SENP7: variants seen among roughly 807,000 people sequenced by gnomAD.
SENP7 encodes SUMO specific peptidase 7, also known as sentrin-specific protease 7.
Under a neutral mutation model 141.2 loss-of-function variants are expected in SENP7, and 64 were observed. The observed-to-expected ratio is 0.45, with a 90% CI of 0.37 to 0.56. SENP7 has a LOEUF of 0.56. Ranked by LOEUF, SENP7 falls within the 20% of genes least tolerant of loss-of-function variation. The pLI, the probability that SENP7 is intolerant of heterozygous loss-of-function variation, is 0.00. For synonymous variants in SENP7, 382 were observed against 426.4 expected (o/e 0.90, Z 1.28); for missense variants, 1,025 against 1,212.2 (o/e 0.85, Z 2.29).
chr3:101,433,132 TAG>T (rs1559817290), intron 4 of SENP7, among the ~76,000 whole-genome samples: 1 of 152,114 alleles, frequency 6.6e-6, no homozygotes, highest in Admixed American at 6.5e-5. Context: ...AGTTAAGGCA[TAG>T]AGTTTTTATT....
intron 11 of SENP7, among the ~76,000 whole-genome samples, chr3:101,353,183 T>C (rs939861908): frequency 4.6e-5 from 7 of 151,986 alleles, no homozygotes; most frequent in African/African-American, 1.4e-4. Flanking sequence ...CTTTCCAAAC[T>C]CTTTCTGGCA....
rs1431616352 is a variant in SENP7, at chr3:101,366,585, C to T, written c.1163G>A (p.Gly388Asp). ...GTTCTCAACGGTTTCAGTGGTTGAACCGGCAGAGGCACTTTTGGTGGCATT... is the reference window on the plus strand; with the variant it reads ...GTTCTCAACGGTTTCAGTGGTTGAATCGGCAGAGGCACTTTTGGTGGCATT... ...LSNATKSASA[G>D]STTETVENSN... Residue 388 changes from glycine (G) to aspartate (D), a missense_variant, in exon 9 of 24, where the codon GGT (glycine) becomes GAT (aspartate). By Grantham distance (94) the Gly-to-Asp change is moderately conservative. Transcript: ENST00000394095. 7 of 1,613,926 alleles carry T rather than the reference C, an allele frequency of 4.3e-6. No homozygotes were observed. The highest frequency in any genetic ancestry group is 1.1e-5 in the South Asian group (1 of 91,068).
chr3:101,368,587 TGG>T (rs1396131081), intron 7 of SENP7, among the ~76,000 whole-genome samples: 1 of 28,822 alleles, frequency 3.5e-5, no homozygotes, highest in South Asian at 1.5e-3. Context: ...GGGTGGGGGG[TGG>T]GGGGAGGGGG....
intron 4 of SENP7, among the ~76,000 whole-genome samples, chr3:101,433,526 C>T (rs2062264591): frequency 6.6e-6 from 1 of 152,038 alleles, no homozygotes; most frequent in Admixed American, 6.6e-5. Context: ...AAAAGAAACA[C>T]ACTTCACCTA....
Position 101,372,067 on chromosome 3 carries a change from T to C in SENP7, c.737A>G (p.Lys246Arg). Residue 246 changes from lysine (K) to arginine (R), a missense_variant, in exon 7 of 24, where the codon AAA (lysine) becomes AGA (arginine). Around this residue, in one of 4 missense-constraint regions of SENP7, gnomAD observed 496 missense variants for 503.5 expected, o/e 0.99. Transcript: ENST00000394095. ...GCCATCATCCTTTCTTCGTTTTTCT[T>C]TATTGTGCGCAGTCTGCTTTGCAGA... is the stretch of plus-strand genomic sequence containing the variant. ...DNSAKQTAHN[K>R]EKRRKDDGIS... 6.4e-7 allele frequency: 1 copy of C among 1,569,672 alleles called. No individual in the cohort carries two copies. The highest frequency in any genetic ancestry group is 8.7e-7 in the Non-Finnish European group (1 of 1,150,974).
chr3:101,393,800 A>G (rs1394550539), intron 6 of SENP7, among the ~76,000 whole-genome samples: 1 of 152,200 alleles, frequency 6.6e-6, no homozygotes, highest in African/African-American at 2.4e-5. Context: ...GAAAAGTGTA[A>G]GAGGAAGCAG....
chr3:101,470,125 G>C (rs1286617952), intron 3 of SENP7, among the ~76,000 whole-genome samples: 1 of 152,078 alleles, frequency 6.6e-6, no homozygotes, highest in Non-Finnish European at 1.5e-5. Flanking sequence ...GAGAAAGCAG[G>C]AAAGATCTAA....
chr3:101,481,257 CG>C (rs1220337643), intron 3 of SENP7, among the ~76,000 whole-genome samples: 1 of 151,880 alleles, frequency 6.6e-6, no homozygotes, highest in Non-Finnish European at 1.5e-5. Flanking sequence ...AATGGACAAA[CG>C]GATAAAGAAA....
intron 4 of SENP7, among the ~76,000 whole-genome samples, chr3:101,449,451 G>A (rs1049362846): frequency 6.6e-6 from 1 of 152,204 alleles, no homozygotes; most frequent in Non-Finnish European, 1.5e-5. Flanking sequence ...AAGAAAAAAT[G>A]TTAAGGGCAG....
intron 12 of SENP7, among the ~76,000 whole-genome samples, chr3:101,351,292 T>A (rs555524053): frequency 2.0e-5 from 3 of 152,088 alleles, no homozygotes; most frequent in Non-Finnish European, 4.4e-5. Context: ...CATGTTTGTG[T>A]GCAATATTAA....
intron 1 of SENP7, among the ~76,000 whole-genome samples, 177 bp from the exon 2 acceptor site, chr3:101,501,296 T>C (rs2065368835): frequency 1.3e-5 from 2 of 151,520 alleles, no homozygotes; most frequent in Non-Finnish European, 2.9e-5. Flanking sequence ...AATAACTACA[T>C]GTGTCAGAAG....
intron 9 of SENP7, 59 bp downstream of exon 9, chr3:101,366,371 A>G: frequency 1.5e-6 from 2 of 1,294,466 alleles, no homozygotes; most frequent in Non-Finnish European, 2.1e-6. Context: ...AGAAGAATAA[A>G]AAAATAACTA....
At chr3:101,449,104 T>A (rs542326352) in intron 4 of SENP7, among the ~76,000 whole-genome samples, 43 of 152,144 alleles carry the variant, frequency 2.8e-4, no homozygotes, top group African/African-American at 9.9e-4. Flanking sequence ...CCAGATTCGA[T>A]CAACTGGAAG....
intron 4 of SENP7, among the ~76,000 whole-genome samples, chr3:101,423,858 C>T (rs2061863347): frequency 1.3e-5 from 2 of 152,168 alleles, no homozygotes; most frequent in Admixed American, 1.3e-4. Flanking sequence ...GGAATCCCAG[C>T]AGGAGGAGAC....
At chr3:101,426,430 C>A (rs77211010) in intron 4 of SENP7, among the ~76,000 whole-genome samples, 14,226 of 151,914 alleles carry the variant, frequency 0.094, 782 homozygotes, top group African/African-American at 0.15. Context: ...TAAATTATAA[C>A]CCAAAATGTG....
chr3:101,342,062 G>A (rs149832873), intron 14 of SENP7, among the ~76,000 whole-genome samples: 5,764 of 152,100 alleles, frequency 0.038, 169 homozygotes, highest in Non-Finnish European at 0.051. Context: ...ATCAAAAAAT[G>A]TAATAAATAG....
chr3:101,482,765 T>C (rs7616166), intron 3 of SENP7, among the ~76,000 whole-genome samples: 4 of 152,174 alleles, frequency 2.6e-5, no homozygotes, highest in Non-Finnish European at 4.4e-5. Context: ...TTTTAATAAA[T>C]AGATCAAAGA....
chr3:101,486,773 A>G (rs1327723919), intron 3 of SENP7, among the ~76,000 whole-genome samples: 1 of 152,200 alleles, frequency 6.6e-6, no homozygotes, highest in Non-Finnish European at 1.5e-5. Context: ...TCACATTTCA[A>G]TACTAACATT....
intron 16 of SENP7, among the ~76,000 whole-genome samples, chr3:101,338,936 T>C (rs1412147766): frequency 6.6e-6 from 1 of 152,066 alleles, no homozygotes; most frequent in Admixed American, 6.6e-5. Flanking sequence ...TATTTATAAA[T>C]ACAAAAATAT....
Sources: gnomAD v4.1 joint callset for allele counts (sites outside exome capture counted in the v4.1 genomes callset) on GRCh38, gnomAD v4.1.1 for gene constraint, gnomAD v4.1.1 regional missense constraint, MANE v1.5 for transcripts, NCBI Gene and HGNC (gene_info 2026-07-23, HGNC 2026-07-21) for gene names.